The following OR51B5 variants were observed in gnomAD, a reference collection of about 807,000 sequenced individuals.
OR51B5 encodes the protein olfactory receptor family 51 subfamily B member 5, also known as olfactory receptor 51B5.
For missense variants in OR51B5, 456 were observed against 374.6 expected (o/e 1.22, Z -1.79); for synonymous variants, 186 against 144.8 (o/e 1.28, Z -2.04).
rs200294277 is a variant in OR51B5, at chr11:5,481,455, G to A, written n.84+24114C>T. ...TCCCTTTGAAAACTGGCACAAGACA[G>A]GGATGCCCTCTCTCACCACTCCTAT... On this transcript the variant is annotated intron_variant and non_coding_transcript_variant, in intron 1 of 4. Transcript: ENST00000415970. Among the ~76,000 whole-genome samples, 417 of 118,530 alleles carry A rather than the reference G, an allele frequency of 3.5e-3. 5 individuals carry two copies. The East Asian group carries it at 0.074, about 21-fold the overall frequency. 77.8% of individuals were successfully genotyped at this position (118,530 alleles called of 152,430 possible).
intron 1 of OR51B5, among the ~76,000 whole-genome samples, chr11:5,465,131 G>A (rs1241770944): frequency 5.4e-5 from 8 of 146,950 alleles, no homozygotes; most frequent in South Asian, 2.2e-4. Context: ...GCGTGAACCC[G>A]GGAGGCGGAG....
chr11:5,373,474 G>C (rs543548689), intron 1 of OR51B5, among the ~76,000 whole-genome samples: 1 of 152,198 alleles, frequency 6.6e-6, no homozygotes, highest in South Asian at 2.1e-4. Flanking sequence ...CCAGACAGTG[G>C]GCACAGGTCA....
At chr11:5,349,603 G>A (rs940146378) in intron 1 of OR51B5, among the ~76,000 whole-genome samples, 4 of 151,988 alleles carry the variant, frequency 2.6e-5, no homozygotes, top group African/African-American at 9.7e-5. Flanking sequence ...TAATTAGTTT[G>A]ATTATGGTAA....
chr11:5,418,400 TATAATA>T (rs1042311452), intron 1 of OR51B5, among the ~76,000 whole-genome samples: 2 of 145,534 alleles, frequency 1.4e-5, no homozygotes, highest in Admixed American at 1.4e-4. Flanking sequence ...AAACTTAAAG[TATAATA>T]ATAATAAAAA....
intron 1 of OR51B5, among the ~76,000 whole-genome samples, chr11:5,379,656 C>G (rs1414671055): frequency 6.7e-6 from 1 of 149,960 alleles, no homozygotes; most frequent in African/African-American, 2.5e-5. Context: ...TTTTAATTGA[C>G]ATTGCTCAAG....
rs571507163 is a variant in OR51B5 at position 5,502,019 on chromosome 11, T to G, written n.84+3550A>C. Reference sequence around the variant, plus strand: ...CCTGTGAGTGAATTTCTCCCTTTCTTTAATCTTGCACATTTAATCTCATCA... The same window carrying G: ...CCTGTGAGTGAATTTCTCCCTTTCTGTAATCTTGCACATTTAATCTCATCA... On this transcript the variant is annotated intron_variant and non_coding_transcript_variant, in intron 1 of 4. Transcript: ENST00000415970. Among the ~76,000 whole-genome samples the G allele has an allele frequency of 2.0e-5, 3 of 152,292 alleles. No individual in the cohort carries two copies. In the East Asian group the frequency reaches 5.8e-4, roughly 29 times the overall value.
At chr11:5,503,672 G>A (rs895759670) in intron 1 of OR51B5, among the ~76,000 whole-genome samples, 1 of 152,136 alleles carries the variant, frequency 6.6e-6, no homozygotes, top group African/African-American at 2.4e-5. Flanking sequence ...AATTGAGGAA[G>A]TGTAGTATTA....
chr11:5,421,912 A>T (rs1414655218), intron 1 of OR51B5, among the ~76,000 whole-genome samples: 3 of 152,202 alleles, frequency 2.0e-5, no homozygotes, highest in Non-Finnish European at 4.4e-5. Context: ...TGTGCTGAAA[A>T]CTGAATGGGA....
At chr11:5,422,225 CAAGAAGG>C in intron 1 of OR51B5, 1 of 1,611,980 alleles carries the variant, frequency 6.2e-7, no homozygotes, top group African/African-American at 1.3e-5. Context: ...TAACACCACA[CAAGAAGG>C]CATCTACTTC....
intron 1 of OR51B5, among the ~76,000 whole-genome samples, chr11:5,418,961 T>C (rs1850287366): frequency 6.6e-6 from 1 of 151,852 alleles, no homozygotes. Context: ...TTGATATCGG[T>C]AATAGGGCAG....
intron 1 of OR51B5, chr11:5,351,612 C>G (rs1436927972): frequency 2.5e-6 from 4 of 1,614,126 alleles, no homozygotes; most frequent in Non-Finnish European, 3.4e-6. Context: ...CCTACATCTC[C>G]ATACTTCTTG....
At chr11:5,387,409 T>C (rs181203144) in intron 1 of OR51B5, among the ~76,000 whole-genome samples, 1 of 152,296 alleles carries the variant, frequency 6.6e-6, no homozygotes, top group African/African-American at 2.4e-5. Flanking sequence ...GGGTGGTTGG[T>C]TGAGTAGTAA....
At chr11:5,356,417 G>T (rs1389556056) in intron 1 of OR51B5, among the ~76,000 whole-genome samples, 1 of 150,150 alleles carries the variant, frequency 6.7e-6, no homozygotes, top group African/African-American at 2.5e-5. Flanking sequence ...AAGAAGAGAA[G>T]TTTAGAGAAA....
At chr11:5,365,423 G>A (rs1415839406) in intron 1 of OR51B5, among the ~76,000 whole-genome samples, 4 of 152,192 alleles carry the variant, frequency 2.6e-5, no homozygotes, top group Non-Finnish European at 4.4e-5. Context: ...CAAGCATACT[G>A]TAGAAATCGC....
At chr11:5,454,088 C>G (rs776056338) in intron 1 of OR51B5, 2 of 1,614,202 alleles carry the variant, frequency 1.2e-6, no homozygotes, top group Admixed American at 3.3e-5. Flanking sequence ...TCTATGGACT[C>G]TTTGTTCTTG....
chr11:5,404,647 T>C (rs564745755), intron 1 of OR51B5, among the ~76,000 whole-genome samples: 106 of 152,330 alleles, frequency 7.0e-4, no homozygotes, highest in African/African-American at 2.4e-3. Context: ...TTGCACGCTG[T>C]GGAAGCTTTG....
chr11:5,422,341 C>A lies in OR51B5; in HGVS notation n.85-75431G>T, dbSNP rs545260070. 3.7e-5 allele frequency: 59 copies of A among 1,614,174 alleles called. No individual in the cohort carries two copies. In the South Asian group the frequency reaches 6.3e-4, roughly 17 times the overall value. On this transcript the variant is annotated intron_variant and non_coding_transcript_variant, in intron 1 of 4. Transcript: ENST00000415970. ...TCTCCATCATGGGCAATACCACCAT[C>A]CTCACTGTCATTCGCACAGAGCCAT...
intron 1 of OR51B5, among the ~76,000 whole-genome samples, chr11:5,396,450 C>T (rs1849873639): frequency 6.6e-6 from 1 of 152,080 alleles, no homozygotes; most frequent in Admixed American, 6.6e-5. Context: ...AGTGAACTCC[C>T]ATTCACAATT....
chr11:5,441,788 A>G (rs1228482690), intron 1 of OR51B5, among the ~76,000 whole-genome samples: 3 of 152,172 alleles, frequency 2.0e-5, no homozygotes, highest in African/African-American at 7.2e-5. Context: ...GCATAATAGG[A>G]GACAACATTA....
Sources: allele counts gnomAD v4.1 joint callset (sites outside exome capture counted in the v4.1 genomes callset), GRCh38; gene constraint gnomAD v4.1.1; transcripts MANE v1.5; gene names NCBI Gene and HGNC (gene_info 2026-07-23, HGNC 2026-07-21).